C1QTNF3: variants seen among roughly 807,000 people sequenced by gnomAD.
C1QTNF3 encodes C1q and TNF related 3, also known as complement C1q tumor necrosis factor-related protein 3.
C1QTNF3 carries 26 observed loss-of-function variants against 32.6 expected under a neutral mutation model. That is an observed-to-expected ratio of 0.80 (90% CI 0.58 to 1.11). The LOEUF is 1.11. C1QTNF3 is among the 50% of genes least tolerant of loss of function. C1QTNF3 has a pLI of 0.00. For synonymous variants in C1QTNF3, 155 were observed against 146.0 expected (o/e 1.06, Z -0.44); for missense variants, 362 against 398.2 (o/e 0.91, Z 0.77).
the C1QTNF3 span, among the ~76,000 whole-genome samples, chr5:34,117,879 A>G: frequency 6.6e-6 from 1 of 152,154 alleles, no homozygotes; most frequent in African/African-American, 2.4e-5. Context: ...AATACATTGC[A>G]TTTTTACGCT....
At chr5:34,078,514 G>C in the C1QTNF3 span, among the ~76,000 whole-genome samples, 1 of 151,690 alleles carries the variant, frequency 6.6e-6, no homozygotes, top group African/African-American at 2.4e-5. The surrounding 1 kb of genome is among the most constrained non-coding windows in gnomAD (Gnocchi z 4.0). Flanking sequence ...CAGATCTTGT[G>C]GGAACTCACT....
intron 3 of C1QTNF3, among the ~76,000 whole-genome samples, chr5:34,029,568 A>G (rs747263222): frequency 6.6e-6 from 1 of 152,234 alleles, no homozygotes; most frequent in African/African-American, 2.4e-5. Context: ...AGACAACACA[A>G]GATCATTATT....
chr5:34,217,226 A>T, the C1QTNF3 span, among the ~76,000 whole-genome samples: 1 of 152,124 alleles, frequency 6.6e-6, no homozygotes, highest in Admixed American at 6.6e-5. Flanking sequence ...ATTTCATTTG[A>T]GGATATGTTT....
At chr5:34,048,405 A>G in the C1QTNF3 span, among the ~76,000 whole-genome samples, 1 of 152,132 alleles carries the variant, frequency 6.6e-6, no homozygotes, top group African/African-American at 2.4e-5. Flanking sequence ...ACCACACTAG[A>G]TATTTTAACA....
At chr5:34,063,521 G>T in the C1QTNF3 span, among the ~76,000 whole-genome samples, 3 of 152,068 alleles carry the variant, frequency 2.0e-5, no homozygotes, top group Admixed American at 6.6e-5. Context: ...GTACTGGTGG[G>T]GGGGCTGGGG....
chr5:34,212,765 G>A, the C1QTNF3 span, among the ~76,000 whole-genome samples: 1 of 149,900 alleles, frequency 6.7e-6, no homozygotes, highest in African/African-American at 2.5e-5. Flanking sequence ...ACAGGTGCTG[G>A]AGAGGATGTG....
chr5:34,031,081 G>T (rs299597), intron 3 of C1QTNF3, among the ~76,000 whole-genome samples: 68,539 of 151,738 alleles, frequency 0.45, 16,883 homozygotes, highest in South Asian at 0.73. Context: ...CCTGAACTTA[G>T]AATAAAAGTT....
chr5:34,122,315 A>G, the C1QTNF3 span, among the ~76,000 whole-genome samples: 2 of 152,250 alleles, frequency 1.3e-5, no homozygotes, highest in Non-Finnish European at 2.9e-5. Flanking sequence ...GAGACTAAGT[A>G]GTCAAGAATA....
chr5:34,121,450 C>G, the C1QTNF3 span, among the ~76,000 whole-genome samples: 1 of 152,012 alleles, frequency 6.6e-6, no homozygotes, highest in East Asian at 1.9e-4. Context: ...ATGGCGGCGG[C>G]AAGAGAAAAT....
At chr5:34,128,381 A>C in the C1QTNF3 span, among the ~76,000 whole-genome samples, 73 of 152,350 alleles carry the variant, frequency 4.8e-4, no homozygotes, top group African/African-American at 1.7e-3. Context: ...CCTCACACAG[A>C]GTTCCCACTG....
At chr5:34,161,835 T>C in the C1QTNF3 span, among the ~76,000 whole-genome samples, 1 of 152,216 alleles carries the variant, frequency 6.6e-6, no homozygotes, top group Non-Finnish European at 1.5e-5. Flanking sequence ...ATGTTACTGA[T>C]GCTATACATT....
intron 1 of C1QTNF3, among the ~76,000 whole-genome samples, chr5:34,036,259 G>A (rs1368690611): frequency 2.6e-5 from 4 of 152,170 alleles, no homozygotes; most frequent in Non-Finnish European, 5.9e-5. Flanking sequence ...TAGAAATTCT[G>A]AATAGTAACA....
At chr5:34,169,528 T>C in the C1QTNF3 span, among the ~76,000 whole-genome samples, 5 of 152,212 alleles carry the variant, frequency 3.3e-5, no homozygotes, top group African/African-American at 7.2e-5. Context: ...TTATCAGATA[T>C]ATGGATTGCA....
the C1QTNF3 span, among the ~76,000 whole-genome samples, chr5:34,085,277 G>A: frequency 4.0e-5 from 6 of 150,186 alleles, no homozygotes; most frequent in Non-Finnish European, 7.4e-5. Flanking sequence ...TTACAGGCAT[G>A]AGCCACCATG....
the C1QTNF3 span, among the ~76,000 whole-genome samples, chr5:34,052,133 G>A: frequency 1.3e-4 from 20 of 151,984 alleles, no homozygotes; most frequent in African/African-American, 3.4e-4. Flanking sequence ...GCAAGACCGC[G>A]TCTTAAAAAA....
the C1QTNF3 span, among the ~76,000 whole-genome samples, chr5:34,061,336 T>C: frequency 6.6e-6 from 1 of 152,140 alleles, no homozygotes; most frequent in Non-Finnish European, 1.5e-5. Context: ...AGGTGCATGG[T>C]GCAAGCTGTC....
the C1QTNF3 span, among the ~76,000 whole-genome samples, chr5:34,103,818 G>T: frequency 2.7e-5 from 4 of 146,592 alleles, no homozygotes; most frequent in East Asian, 7.9e-4. Flanking sequence ...GCAAAATTCT[G>T]TCTCTAAAAA....
At chr5:34,209,276 G>A in the C1QTNF3 span, among the ~76,000 whole-genome samples, 1 of 151,706 alleles carries the variant, frequency 6.6e-6, no homozygotes, top group South Asian at 2.1e-4. Flanking sequence ...AAATGCAGCT[G>A]AATAATTTGG....
chr5:34,127,321 T>C, the C1QTNF3 span, among the ~76,000 whole-genome samples: 265 of 152,200 alleles, frequency 1.7e-3, 1 homozygote, highest in Non-Finnish European at 7.6e-4. Context: ...TAGAGACTTG[T>C]TGAATAGTTT....
Sources: allele counts gnomAD v4.1 joint callset (sites outside exome capture counted in the v4.1 genomes callset), GRCh38; gene constraint gnomAD v4.1.1; non-coding constraint Gnocchi (gnomAD v3.1); transcripts MANE v1.5; gene names NCBI Gene and HGNC (gene_info 2026-07-23, HGNC 2026-07-21).